Variants in CDH13 observed in about 807,000 individuals in gnomAD.
CDH13 encodes cadherin 13, also known as cadherin-13.
CDH13 carries 24 observed loss-of-function variants against 63.8 expected under a neutral mutation model. That is an observed-to-expected ratio of 0.38 (90% confidence interval 0.27 to 0.53). CDH13 has a LOEUF of 0.53. CDH13 is among the 20% of genes least tolerant of loss of function. The pLI is 0.85. For synonymous variants in CDH13, 503 were observed against 355.3 expected (o/e 1.42, Z -4.67); for missense variants, 1,049 against 903.1 (o/e 1.16, Z -2.07).
At chr16:83,428,948 T>G (rs528004078) in intron 6 of CDH13, among the ~76,000 whole-genome samples, 211 of 152,348 alleles carry the variant, frequency 1.4e-3, no homozygotes, top group African/African-American at 4.7e-3. Context: ...CTCTAGGGGT[T>G]TGTTCGGTCA....
chr16:83,359,602 A>G (rs546290026), intron 6 of CDH13, among the ~76,000 whole-genome samples: 1 of 152,308 alleles, frequency 6.6e-6, no homozygotes, highest in East Asian at 1.9e-4. Context: ...CTTCTGTGGC[A>G]GCACTTTGTA....
chr16:83,463,699 AG>A (rs2073237665), intron 6 of CDH13, among the ~76,000 whole-genome samples: 1 of 152,106 alleles, frequency 6.6e-6, no homozygotes, highest in Admixed American at 6.5e-5. Flanking sequence ...GAAACTTGGG[AG>A]GGGCTGAGGT....
chr16:83,058,110 T>C (rs1267652181), intron 3 of CDH13, among the ~76,000 whole-genome samples: 1 of 152,222 alleles, frequency 6.6e-6, no homozygotes, highest in Non-Finnish European at 1.5e-5. Context: ...TCGTTAAATG[T>C]CATTCTTTAG....
chr16:82,650,630 T>A (rs1910616192), intron 1 of CDH13, among the ~76,000 whole-genome samples: 1 of 152,168 alleles, frequency 6.6e-6, no homozygotes, highest in East Asian at 1.9e-4. Context: ...CTTTCTTTGG[T>A]TGGCTCTCCT....
chr16:82,848,704 C>G (rs370175587), intron 1 of CDH13, among the ~76,000 whole-genome samples: 7 of 152,100 alleles, frequency 4.6e-5, no homozygotes, highest in African/African-American at 1.7e-4. Context: ...CTCCAAACAT[C>G]CTATTTCCTG....
intron 5 of CDH13, among the ~76,000 whole-genome samples, chr16:83,277,709 G>A (rs568782194): frequency 1.2e-4 from 18 of 152,098 alleles, no homozygotes; most frequent in African/African-American, 3.6e-4. Context: ...TAAGTCAAAC[G>A]TGAAAGCCCT....
intron 10 of CDH13, among the ~76,000 whole-genome samples, chr16:83,710,888 G>T (rs1444119552): frequency 1.3e-5 from 2 of 152,220 alleles, no homozygotes; most frequent in African/African-American, 2.4e-5. Context: ...ATGAGTGATG[G>T]ACAGACTCGA....
rs1480153145 is a variant in CDH13, at chr16:83,036,298, C to T, written c.366+4080C>T. On this transcript the variant is annotated intron_variant, in intron 3 of 13. Transcript: ENST00000567109. ...CTGAGTGGCTGAGATTACAGGCACC[C>T]ACCACCACACCTGGCTACTTTTTGT... Among the ~76,000 whole-genome samples, 3 of 151,792 alleles carry T rather than the reference C, an allele frequency of 2.0e-5. No individual in the cohort carries two copies. The East Asian group carries it at 5.8e-4, about 29-fold the overall frequency.
intron 11 of CDH13, among the ~76,000 whole-genome samples, chr16:83,765,208 A>G (rs1027575863): frequency 6.6e-6 from 1 of 152,202 alleles, no homozygotes; most frequent in Non-Finnish European, 1.5e-5. Flanking sequence ...GCACATTTCC[A>G]TCCAGGCAGA....
intron 4 of CDH13, among the ~76,000 whole-genome samples, chr16:83,183,149 T>C (rs2038403420): frequency 6.6e-6 from 1 of 152,220 alleles, no homozygotes; most frequent in African/African-American, 2.4e-5. Flanking sequence ...GTCTTATTTG[T>C]ATTTCAACCT....
intron 1 of CDH13, among the ~76,000 whole-genome samples, chr16:82,769,876 A>T (rs1367870566): frequency 1.3e-5 from 2 of 152,236 alleles, no homozygotes; most frequent in African/African-American, 4.8e-5. Context: ...TGACAGGATA[A>T]GTCAGAGAGG....
At chr16:83,358,975 A>G (rs1033656378) in intron 6 of CDH13, among the ~76,000 whole-genome samples, 7 of 152,200 alleles carry the variant, frequency 4.6e-5, no homozygotes, top group Non-Finnish European at 1.0e-4. Context: ...AATGCACACC[A>G]TGATGGGGCT....
intron 2 of CDH13, among the ~76,000 whole-genome samples, chr16:82,868,850 C>T (rs768719183): frequency 6.6e-6 from 1 of 152,194 alleles, no homozygotes. Context: ...TGCCACAGTT[C>T]AGCTGCCTGG....
chr16:83,686,546 G>T (rs1369331719), intron 10 of CDH13, among the ~76,000 whole-genome samples: 5 of 152,176 alleles, frequency 3.3e-5, no homozygotes, highest in Non-Finnish European at 7.3e-5. Context: ...CCTAATATTT[G>T]CAAAAGTGTC....
At chr16:83,268,929 A>AAACTGCAGGGTC (rs11271229) in intron 5 of CDH13, among the ~76,000 whole-genome samples, 2 of 151,810 alleles carry the variant, frequency 1.3e-5, no homozygotes, top group African/African-American at 2.4e-5. Context: ...GCCACAAGCC[A>AAACTGCAGGGTC]AAGACCAGAG....
At chr16:82,668,545 AG>A (rs1439543401) in intron 1 of CDH13, among the ~76,000 whole-genome samples, 2 of 152,214 alleles carry the variant, frequency 1.3e-5, no homozygotes, top group African/African-American at 4.8e-5. Flanking sequence ...TTCCTTAAGA[AG>A]GGATCTGTGC....
chr16:83,148,466 G>A (rs2036843904), intron 4 of CDH13, among the ~76,000 whole-genome samples: 1 of 152,190 alleles, frequency 6.6e-6, no homozygotes, highest in African/African-American at 2.4e-5. Flanking sequence ...GACTGCAAGG[G>A]TTCAAATCCC....
intron 6 of CDH13, among the ~76,000 whole-genome samples, chr16:83,358,518 G>C (rs570437784): frequency 1.3e-5 from 2 of 152,266 alleles, no homozygotes; most frequent in South Asian, 4.1e-4. Context: ...ATGAACTTCT[G>C]TCTTATGTAA....
chr16:83,663,998 A>C (rs1340918317), intron 8 of CDH13, among the ~76,000 whole-genome samples: 1 of 134,924 alleles, frequency 7.4e-6, no homozygotes, highest in African/African-American at 3.1e-5. Context: ...CCATCTCTAC[A>C]AAAAAAAAAA....
Sources: allele counts gnomAD v4.1 joint callset (sites outside exome capture counted in the v4.1 genomes callset), GRCh38; gene constraint gnomAD v4.1.1; transcripts MANE v1.5; gene names NCBI Gene and HGNC (gene_info 2026-07-23, HGNC 2026-07-21).